Variants in KHDRBS2 observed in about 807,000 individuals in gnomAD.
KHDRBS2 encodes the protein KH RNA binding domain containing, signal transduction associated 2, also known as KH domain-containing, RNA-binding, signal transduction-associated protein 2.
A neutral mutation model predicts 44.3 loss-of-function variants in KHDRBS2; 26 were observed. The observed-to-expected ratio is 0.59, with a 90% confidence interval of 0.43 to 0.81. The LOEUF is 0.81. Ranked by LOEUF, KHDRBS2 falls within the 40% of genes least tolerant of loss-of-function variation. KHDRBS2 has a pLI of 0.00. For missense variants in KHDRBS2, 476 were observed against 433.1 expected (o/e 1.10, Z -0.88); for synonymous variants, 194 against 151.1 (o/e 1.28, Z -2.08).
the KHDRBS2 span, among the ~76,000 whole-genome samples, chr6:61,653,473 T>G: frequency 2.0e-5 from 3 of 152,082 alleles, no homozygotes; most frequent in Non-Finnish European, 4.4e-5. Context: ...GCCTTGGAAC[T>G]TTCAGTGTTG....
chr6:62,215,425 C>T (rs1296717108), intron 1 of KHDRBS2, among the ~76,000 whole-genome samples: 1 of 151,616 alleles, frequency 6.6e-6, no homozygotes, highest in Non-Finnish European at 1.5e-5. Flanking sequence ...TCCAACTCAA[C>T]CATATAAGCC....
chr6:61,716,381 T>A (rs1771426788), intron 7 of KHDRBS2, among the ~76,000 whole-genome samples: 1 of 151,920 alleles, frequency 6.6e-6, no homozygotes, highest in African/African-American at 2.4e-5. Context: ...CAAGCCACCC[T>A]TGTTGTACTT....
At chr6:61,865,200 T>C (rs571471) in intron 6 of KHDRBS2, among the ~76,000 whole-genome samples, 87,219 of 151,966 alleles carry the variant, frequency 0.57, 25,218 homozygotes, top group South Asian at 0.68. Context: ...AGCATCCTTG[T>C]ATTGGGTTAC....
At chr6:61,674,917 G>T in the KHDRBS2 span, among the ~76,000 whole-genome samples, 1 of 151,664 alleles carries the variant, frequency 6.6e-6, no homozygotes, top group Admixed American at 6.6e-5. Context: ...TTATTGTTAT[G>T]TAATAGAGTA....
At position 62,100,927 on chromosome 6, in the gene KHDRBS2, A is replaced by G. The variant is rs535565409; in HGVS notation, c.220-52933T>C. ...GAAAGCTATTGTATTACAGCTATAG[A>G]TTTTTACAAAAAATAGCAAATTGAT... On this transcript the variant is annotated intron_variant, in intron 2 of 8. Coordinates refer to ENST00000281156, the MANE Select transcript of KHDRBS2 (RefSeq NM_152688.4). 5.3e-5 allele frequency among the ~76,000 whole-genome samples: 8 copies of G among 152,264 alleles called. No homozygotes were observed. The South Asian group carries it at 1.7e-3, about 32-fold the overall frequency.
chr6:62,088,427 T>A (rs1798832382), intron 2 of KHDRBS2, among the ~76,000 whole-genome samples: 1 of 152,194 alleles, frequency 6.6e-6, no homozygotes, highest in African/African-American at 2.4e-5. Flanking sequence ...TTGTTTTCTG[T>A]TTCTTAGTTT....
chr6:62,044,055 A>C (rs1229656165), intron 3 of KHDRBS2, among the ~76,000 whole-genome samples: 1 of 152,114 alleles, frequency 6.6e-6, no homozygotes, highest in South Asian at 2.1e-4. Flanking sequence ...GTAATAGTAG[A>C]TATGGAATAA....
intron 3 of KHDRBS2, among the ~76,000 whole-genome samples, chr6:62,002,116 A>C (rs1228698331): frequency 6.6e-6 from 1 of 152,018 alleles, no homozygotes; most frequent in African/African-American, 2.4e-5. Flanking sequence ...AAGTGCACAC[A>C]TTTGAAACCA....
In KHDRBS2 at chr6:61,985,049, C is replaced by T. The variant is rs555175739; in HGVS notation, c.337-6837G>A. 4.6e-5 allele frequency among the ~76,000 whole-genome samples: 7 copies of T among 152,194 alleles called. No homozygotes were observed. The South Asian group carries it at 1.5e-3, about 32-fold the overall frequency. On this transcript the variant is annotated intron_variant, in intron 3 of 8. Transcript: ENST00000281156. ...TGACAATAGCCTCTCCCACCTAGTC[C>T]CTCCTGTGGCTTGTTACCTTACTGG...
At chr6:61,764,225 T>G (rs1307945557) in intron 6 of KHDRBS2, among the ~76,000 whole-genome samples, 1 of 152,198 alleles carries the variant, frequency 6.6e-6, no homozygotes, top group African/African-American at 2.4e-5. Context: ...CTTTATACAG[T>G]CTATCATTGA....
At chr6:62,262,074 G>A (rs1245885034) in intron 1 of KHDRBS2, among the ~76,000 whole-genome samples, 1 of 151,672 alleles carries the variant, frequency 6.6e-6, no homozygotes, top group Non-Finnish European at 1.5e-5. Context: ...AATGTAAAGT[G>A]CATCAGAATT....
At chr6:61,597,085 A>T in the KHDRBS2 span, among the ~76,000 whole-genome samples, 1 of 152,240 alleles carries the variant, frequency 6.6e-6, no homozygotes, top group African/African-American at 2.4e-5. Context: ...TAGTTAAGGC[A>T]TGATAGTCAG....
chr6:61,894,933 A>G lies in KHDRBS2; in HGVS notation c.612-100T>C, dbSNP rs556042932. ...TCTCACAGCCTCCATACAATGAAATAAATACAAATTTCTCTCTCTCTCTCT... is the reference window on the plus strand; with the variant it reads ...TCTCACAGCCTCCATACAATGAAATGAATACAAATTTCTCTCTCTCTCTCT... On this transcript the variant is annotated intron_variant, in intron 5 of 8. Transcript: ENST00000281156. 17 of 729,868 alleles carry G rather than the reference A, an allele frequency of 2.3e-5. No homozygotes were observed. The African/African-American group carries it at 2.5e-4, about 11-fold the overall frequency. The allele number at this position is 729,868 out of a possible 1,614,324, so 45.2% of individuals were successfully genotyped here.
chr6:62,187,102 GACA>G (rs1442042961), intron 1 of KHDRBS2, among the ~76,000 whole-genome samples: 4 of 152,076 alleles, frequency 2.6e-5, no homozygotes, highest in African/African-American at 9.7e-5. Context: ...TGCTGGCAAA[GACA>G]ACATCAAGTT....
chr6:61,574,527 A>ACTC, the KHDRBS2 span: 1 of 612,466 alleles, frequency 1.6e-6, no homozygotes, highest in Non-Finnish European at 2.7e-6. Context: ...CTCGGAGTAT[A>ACTC]ACCCAACCTC....
At chr6:62,086,329 G>GA (rs1459411028) in intron 2 of KHDRBS2, among the ~76,000 whole-genome samples, 1 of 152,074 alleles carries the variant, frequency 6.6e-6, no homozygotes, top group Non-Finnish European at 1.5e-5. Context: ...CTCAAAGGCT[G>GA]AAAAAACAGG....
chr6:62,098,261 TGTTAC>T (rs1419715799), intron 2 of KHDRBS2, among the ~76,000 whole-genome samples: 3 of 130,086 alleles, frequency 2.3e-5, no homozygotes, highest in African/African-American at 8.9e-5. Flanking sequence ...TTTTTTTTTT[TGTTAC>T]AAGTTAGAAC....
At chr6:62,013,300 T>C (rs542307778) in intron 3 of KHDRBS2, among the ~76,000 whole-genome samples, 2 of 152,224 alleles carry the variant, frequency 1.3e-5, no homozygotes, top group South Asian at 2.1e-4. Context: ...ATAGAATTTA[T>C]TGAAAAATTA....
chr6:62,065,938 TTG>T (rs758740634), intron 2 of KHDRBS2, among the ~76,000 whole-genome samples: 1 of 151,686 alleles, frequency 6.6e-6, no homozygotes, highest in Non-Finnish European at 1.5e-5. Flanking sequence ...TGCTTCTGCA[TTG>T]TTTTTTTGTG....
Sources: gnomAD v4.1 joint callset for allele counts (sites outside exome capture counted in the v4.1 genomes callset) on GRCh38, gnomAD v4.1.1 for gene constraint, MANE v1.5 for transcripts, NCBI Gene and HGNC (gene_info 2026-07-23, HGNC 2026-07-21) for gene names.